The following GRIN2A variants were observed in gnomAD, a reference collection of about 807,000 sequenced individuals.
The protein encoded by GRIN2A is glutamate ionotropic receptor NMDA type subunit 2A, also known as glutamate receptor ionotropic, NMDA 2A.
In GRIN2A, 22 loss-of-function variants were observed where a neutral mutation model predicts 113.4. The observed-to-expected ratio is 0.19, with a 90% CI of 0.14 to 0.28. The LOEUF (loss-of-function observed/expected upper bound fraction) is 0.28. GRIN2A is among the 10% of genes least tolerant of loss of function. GRIN2A has a pLI of 1.00. For synonymous variants in GRIN2A, 827 were observed against 738.4 expected (o/e 1.12, Z -1.94); for missense variants, 1,502 against 1,887.0 (o/e 0.80, Z 3.78).
At chr16:9,819,793 G>T (rs2042246295) in intron 10 of GRIN2A, among the ~76,000 whole-genome samples, 1 of 151,876 alleles carries the variant, frequency 6.6e-6, no homozygotes, top group African/African-American at 2.4e-5. Flanking sequence ...GTGAAACCCT[G>T]TCTCTACAAA....
At chr16:9,886,982 G>C (rs1176091733) in intron 4 of GRIN2A, among the ~76,000 whole-genome samples, 1 of 152,132 alleles carries the variant, frequency 6.6e-6, no homozygotes, top group Admixed American at 6.5e-5. Context: ...TCGCCTCCCA[G>C]GTTCAAGTGA....
At chr16:9,833,873 C>T (rs2042541430) in intron 8 of GRIN2A, among the ~76,000 whole-genome samples, 1 of 152,120 alleles carries the variant, frequency 6.6e-6, no homozygotes, top group Non-Finnish European at 1.5e-5. Context: ...GTGTGTGCCA[C>T]CATGCCCAGC....
intron 2 of GRIN2A, among the ~76,000 whole-genome samples, chr16:10,040,865 C>T (rs11074544): frequency 0.62 from 93,986 of 152,134 alleles, 29,533 homozygotes; most frequent in East Asian, 0.95. Flanking sequence ...AGAGCTGTGC[C>T]GATGAGCCGT....
chr16:9,925,097 C>G (rs537074463), intron 3 of GRIN2A, among the ~76,000 whole-genome samples: 10 of 152,252 alleles, frequency 6.6e-5, no homozygotes, highest in African/African-American at 2.4e-4. Context: ...TTTTTTCGTG[C>G]TGATATTTTT....
chr16:9,932,447 C>A (rs2044615690), intron 3 of GRIN2A, among the ~76,000 whole-genome samples: 1 of 152,136 alleles, frequency 6.6e-6, no homozygotes, highest in African/African-American at 2.4e-5. Flanking sequence ...GTGATCTCAG[C>A]TCACTGCAAC....
At chr16:9,968,356 C>T (rs2045602219) in intron 2 of GRIN2A, among the ~76,000 whole-genome samples, 1 of 152,172 alleles carries the variant, frequency 6.6e-6, no homozygotes, top group South Asian at 2.1e-4. Flanking sequence ...TCTTATTACC[C>T]AGGCTGGAGT....
At chr16:9,782,689 T>A (rs1285038480) in intron 11 of GRIN2A, among the ~76,000 whole-genome samples, 1 of 152,222 alleles carries the variant, frequency 6.6e-6, no homozygotes, top group Admixed American at 6.5e-5. Flanking sequence ...GGTGTTGGAT[T>A]GATAACAGAC....
At chr16:10,040,882 T>A (rs1194586928) in intron 2 of GRIN2A, among the ~76,000 whole-genome samples, 1 of 152,244 alleles carries the variant, frequency 6.6e-6, no homozygotes, top group Non-Finnish European at 1.5e-5. Context: ...CCGTCGTATC[T>A]ATGCTCTGCG....
intron 2 of GRIN2A, among the ~76,000 whole-genome samples, chr16:10,169,243 A>G (rs186017820): frequency 6.6e-6 from 1 of 152,204 alleles, no homozygotes; most frequent in Admixed American, 6.5e-5. Context: ...CAATTTTTCA[A>G]CGTCCATCTT....
At chr16:10,165,488 C>T (rs966653398) in intron 2 of GRIN2A, among the ~76,000 whole-genome samples, 14 of 137,046 alleles carry the variant, frequency 1.0e-4, no homozygotes, top group African/African-American at 3.5e-4. Context: ...TCTTAAAGTT[C>T]TTATATTTTT....
chr16:9,774,897 A>G (rs968792729), intron 11 of GRIN2A, among the ~76,000 whole-genome samples: 6 of 152,254 alleles, frequency 3.9e-5, no homozygotes, highest in African/African-American at 1.2e-4. Flanking sequence ...AACTCACTCT[A>G]TCTATGATTC....
intron 2 of GRIN2A, among the ~76,000 whole-genome samples, chr16:10,120,719 T>C (rs1277709243): frequency 6.6e-6 from 1 of 152,158 alleles, no homozygotes; most frequent in Admixed American, 6.5e-5. Context: ...GTTTCCTTTC[T>C]TATATTAGGT....
intron 4 of GRIN2A, among the ~76,000 whole-genome samples, chr16:9,853,472 A>T (rs984479072): frequency 2.6e-5 from 4 of 152,170 alleles, no homozygotes; most frequent in Admixed American, 2.6e-4. Context: ...CTGTCTATGA[A>T]CCAGGAAGCA....
chr16:9,904,447 C>G (rs757301197), intron 3 of GRIN2A, among the ~76,000 whole-genome samples: 30 of 152,296 alleles, frequency 2.0e-4, no homozygotes, highest in Middle Eastern at 3.4e-3. Context: ...TCTCAGCTTA[C>G]TGCAACCTCC....
At chr16:9,923,168 T>C (rs2044389958) in intron 3 of GRIN2A, among the ~76,000 whole-genome samples, 1 of 152,150 alleles carries the variant, frequency 6.6e-6, no homozygotes, top group Admixed American at 6.6e-5. Flanking sequence ...AGTTTGATCT[T>C]TTTGATGAAT....
intron 2 of GRIN2A, among the ~76,000 whole-genome samples, chr16:10,081,576 A>G (rs2047983279): frequency 6.6e-6 from 1 of 152,230 alleles, no homozygotes; most frequent in Admixed American, 6.5e-5. Context: ...GGCAGGCCTT[A>G]AGCCCAACAT....
chr16:10,132,919 G>A (rs1285691245), intron 2 of GRIN2A, among the ~76,000 whole-genome samples: 4 of 152,138 alleles, frequency 2.6e-5, no homozygotes, highest in African/African-American at 7.2e-5. Flanking sequence ...TCCTTCTAAG[G>A]CTTTAGAGGA....
chr16:10,016,646 G>T (rs566483838), intron 2 of GRIN2A, among the ~76,000 whole-genome samples: 3 of 152,162 alleles, frequency 2.0e-5, no homozygotes, highest in Non-Finnish European at 4.4e-5. Context: ...GAGAGACGAA[G>T]AATTTATTGT....
intron 11 of GRIN2A, among the ~76,000 whole-genome samples, chr16:9,785,394 T>A (rs1186544593): frequency 7.7e-6 from 1 of 129,992 alleles, no homozygotes; most frequent in African/African-American, 3.0e-5. Flanking sequence ...AACAATGAGA[T>A]CACATGGACA....
Sources: gnomAD v4.1 joint callset for allele counts (sites outside exome capture counted in the v4.1 genomes callset) on GRCh38, gnomAD v4.1.1 for gene constraint, MANE v1.5 for transcripts, NCBI Gene and HGNC (gene_info 2026-07-23, HGNC 2026-07-21) for gene names.